Variants in DNAH7 observed in about 807,000 individuals in gnomAD.
DNAH7 encodes axonemal beta dynein heavy chain 7.
A neutral mutation model predicts 444.6 loss-of-function variants in DNAH7; 397 were observed. That is an observed-to-expected ratio of 0.89 (90% CI 0.82 to 0.97). The LOEUF is 0.97. DNAH7 is among the 50% of genes least tolerant of loss of function. DNAH7 has a pLI of 0.00. For missense variants in DNAH7, 4,902 were observed against 4,800.8 expected (o/e 1.02, Z -0.62); for synonymous variants, 1,636 against 1,624.4 (o/e 1.01, Z -0.17).
At chr2:195,778,816 C>CAT (rs1278787645) in intron 58 of DNAH7, among the ~76,000 whole-genome samples, 1 of 146,068 alleles carries the variant, frequency 6.8e-6, no homozygotes, top group East Asian at 2.0e-4. Context: ...CAATTTGAAT[C>CAT]ATATATATAC....
chr2:195,782,772 C>T (rs973470892), intron 58 of DNAH7, among the ~76,000 whole-genome samples: 2 of 152,156 alleles, frequency 1.3e-5, no homozygotes, highest in African/African-American at 2.4e-5. Context: ...TCAGCTTGCT[C>T]GCTCCTGCTT....
chr2:195,810,984 C>G (rs1173602541), intron 51 of DNAH7, among the ~76,000 whole-genome samples: 1 of 152,092 alleles, frequency 6.6e-6, no homozygotes, highest in East Asian at 1.9e-4. Context: ...AAACAAGTCT[C>G]TTCTTGTAGA....
At chr2:195,880,495 CTT>C (rs746320963) in intron 36 of DNAH7, among the ~76,000 whole-genome samples, 1 of 151,136 alleles carries the variant, frequency 6.6e-6, no homozygotes, top group Non-Finnish European at 1.5e-5. Context: ...CACCCGGCTA[CTT>C]TTTTTGTTTG....
At chr2:195,740,970 T>C in intron 63 of DNAH7, 101 bp from the exon 64 acceptor site, 1 of 522,138 alleles carries the variant, frequency 1.9e-6, no homozygotes, top group Non-Finnish European at 3.1e-6. Context: ...CAGGTGATAC[T>C]AGATTTGCAG....
At chr2:195,880,584 C>T (rs902149658) in intron 36 of DNAH7, among the ~76,000 whole-genome samples, 1 of 152,016 alleles carries the variant, frequency 6.6e-6, no homozygotes, top group African/African-American at 2.4e-5. Context: ...GTGATCCCCC[C>T]GCCTCGGCCT....
chr2:195,967,296 T>C (rs1691547098), intron 17 of DNAH7, among the ~76,000 whole-genome samples: 1 of 152,222 alleles, frequency 6.6e-6, no homozygotes, highest in African/African-American at 2.4e-5. Flanking sequence ...TCTCTTTATA[T>C]CTTTTTGTAC....
intron 53 of DNAH7, 110 bp downstream of exon 53, chr2:195,808,572 C>G: frequency 7.6e-7 from 1 of 1,315,392 alleles, no homozygotes; most frequent in Non-Finnish European, 1.0e-6. Flanking sequence ...TGCATTCTAA[C>G]ATGTGACCAG....
intron 48 of DNAH7, 34 bp from the exon 49 acceptor site, chr2:195,824,479 TTAAATATTGACTA>T: frequency 6.5e-7 from 1 of 1,533,830 alleles, no homozygotes; most frequent in Non-Finnish European, 8.8e-7. Flanking sequence ...TCATGTTATT[TTAAATATTGACTA>T]TAAATATTAT....
chr2:195,977,855 G>C (rs1485973041), intron 15 of DNAH7, among the ~76,000 whole-genome samples: 1 of 152,120 alleles, frequency 6.6e-6, no homozygotes, highest in Non-Finnish European at 1.5e-5. Context: ...TTAAAGTGCT[G>C]AAGGAAAAAG....
At chr2:195,882,088 C>G in intron 35 of DNAH7, 96 bp from the exon 36 acceptor site, 2 of 931,498 alleles carry the variant, frequency 2.1e-6, no homozygotes, top group East Asian at 5.2e-5. Context: ...GACCAACAAA[C>G]CCTGATATGT....
rs371393632 is a variant in DNAH7 at position 195,816,884 on chromosome 2, T to A, written c.9505A>T (p.Ile3169Phe). 1 of 1,614,036 alleles carries A rather than the reference T, an allele frequency of 6.2e-7. No homozygotes were observed. Among genetic ancestry groups the A allele is most frequent in the Non-Finnish European group, 8.5e-7 (1 of 1,179,998 alleles). Reference protein sequence around the residue: ...EGNILEDETAIKILSSSKALA... With the variant: ...EGNILEDETAFKILSSSKALA... ...GCCTTGGAGGAAGATAATATCTTAA[T>A]AGCAGTTTCATCTTCTAATATATTG... Residue 3169 changes from isoleucine to phenylalanine, a missense_variant, in exon 51 of 65, where the codon ATT (isoleucine) becomes TTT (phenylalanine). Physicochemically the swap from Ile to Phe is conservative, Grantham distance 21 (BLOSUM62 0). Coordinates refer to ENST00000312428, the MANE Select transcript of DNAH7 (RefSeq NM_018897.3).
intron 19 of DNAH7, among the ~76,000 whole-genome samples, chr2:195,942,692 A>G (rs529069045): frequency 4.6e-4 from 70 of 152,264 alleles, no homozygotes; most frequent in South Asian, 1.4e-3. Context: ...TTTCATCTAG[A>G]AAAGCCAAAA....
At position 195,861,662 on chromosome 2, in the gene DNAH7, C is replaced by T. The variant is rs1700023394; in HGVS notation, c.7736+55G>A. ...TTATATATTATGTCGTTTTTGCACA[C>T]ACAAGTATTTTTAATTGCCATAGCT... On this transcript the variant is annotated intron_variant, in intron 42 of 64. Transcript: ENST00000312428. The T allele has an allele frequency of 1.1e-5, 14 of 1,267,978 alleles. No individual in the cohort carries two copies. The South Asian group carries it at 1.5e-4, about 13-fold the overall frequency. The allele number at this position is 1,267,978 out of a possible 1,614,324, so 78.5% of individuals were successfully genotyped here.
At chr2:196,043,714 G>GA (rs1218331103) in intron 5 of DNAH7, among the ~76,000 whole-genome samples, 2 of 151,312 alleles carry the variant, frequency 1.3e-5, no homozygotes, top group African/African-American at 4.9e-5. Flanking sequence ...AAATCAGGAA[G>GA]AAAAAAAATC....
chr2:195,740,056 T>C (rs1692903191), intron 64 of DNAH7, among the ~76,000 whole-genome samples: 2 of 152,140 alleles, frequency 1.3e-5, no homozygotes, highest in African/African-American at 4.8e-5. Flanking sequence ...CGATCTAAGC[T>C]CACCGCAACC....
At chr2:195,859,385 A>T (rs563920910) in intron 42 of DNAH7, among the ~76,000 whole-genome samples, 38 of 152,318 alleles carry the variant, frequency 2.5e-4, no homozygotes, top group Non-Finnish European at 4.3e-4. Context: ...AAATGATTAG[A>T]AATAATGTAA....
intron 10 of DNAH7, among the ~76,000 whole-genome samples, chr2:196,005,303 CAAAA>C (rs969143318): frequency 1.4e-5 from 2 of 140,756 alleles, no homozygotes; most frequent in Non-Finnish European, 3.0e-5. Flanking sequence ...AACAAACAAA[CAAAA>C]ATATATATAT....
intron 49 of DNAH7, 48 bp downstream of exon 49, chr2:195,824,207 T>C: frequency 6.6e-7 from 1 of 1,522,784 alleles, no homozygotes; most frequent in Non-Finnish European, 8.9e-7. Flanking sequence ...GAATATATAG[T>C]CACTAATTAC....
At chr2:195,969,645 C>T (rs1284601253) in intron 17 of DNAH7, among the ~76,000 whole-genome samples, 2 of 152,056 alleles carry the variant, frequency 1.3e-5, no homozygotes, top group South Asian at 2.1e-4. Flanking sequence ...CTATGGACTC[C>T]CAACTATCAT....
Sources: gnomAD v4.1 joint callset for allele counts (sites outside exome capture counted in the v4.1 genomes callset) on GRCh38, gnomAD v4.1.1 for gene constraint, MANE v1.5 for transcripts, NCBI Gene and HGNC (gene_info 2026-07-23, HGNC 2026-07-21) for gene names.